VIPAS39: variants seen among roughly 807,000 people sequenced by gnomAD.
VIPAS39 encodes spermatogenesis-defective protein 39 homolog.
In VIPAS39, 63 loss-of-function variants were observed where a neutral mutation model predicts 84.7. That is an observed-to-expected ratio of 0.74 (90% CI 0.61 to 0.92). The LOEUF (loss-of-function observed/expected upper bound fraction) is 0.92. VIPAS39 is among the 40% of genes least tolerant of loss of function. VIPAS39 has a pLI of 0.00. For synonymous variants in VIPAS39, 192 were observed against 216.5 expected (o/e 0.89, Z 0.99); for missense variants, 499 against 604.5 (o/e 0.83, Z 1.83).
Position 77,434,304 on chromosome 14 carries a change from C to A in VIPAS39, c.1048-1G>T. ...GGTTGACGGGACTGCTGAATGTCCC[C>A]TAGGATGAAAGTGAAAAAGGAACTT... On this transcript the variant is annotated splice_acceptor_variant, in intron 14 of 19. Transcript: ENST00000557658. LOFTEE classifies it high-confidence loss of function. The A allele has an allele frequency of 6.2e-7, 1 of 1,614,040 alleles. No individual in the cohort carries two copies. The highest frequency in any genetic ancestry group is 8.5e-7 in the Non-Finnish European group (1 of 1,179,958).
At chr14:77,434,367 C>T (rs1243407909) in intron 14 of VIPAS39, 64 bp from the exon 15 acceptor site, 10 of 1,472,800 alleles carry the variant, frequency 6.8e-6, no homozygotes, top group Non-Finnish European at 9.5e-6. Context: ...CCCAAGCTCT[C>T]ATTTTCTTTC....
Position 77,429,082 on chromosome 14 carries a change from T to A in VIPAS39, c.1280A>T (p.Tyr427Phe). 1 of 1,613,886 alleles carries A rather than the reference T, an allele frequency of 6.2e-7. No homozygotes were observed. The highest frequency in any genetic ancestry group is 8.5e-7 in the Non-Finnish European group (1 of 1,179,806). ...NNAPVQILQE[Y>F]VNLVEDVDTK... ...GTCCACATCTTCCACCAGATTGACATACTCCTGTAATATCTGTGGGAAGAG... is the reference window on the plus strand; with the variant it reads ...GTCCACATCTTCCACCAGATTGACAAACTCCTGTAATATCTGTGGGAAGAG... The change falls in exon 18 of 20, where the codon TAT becomes TTT. Residue 427 changes from tyrosine (Y) to phenylalanine (F), a missense_variant. Coordinates refer to ENST00000557658, the MANE Select transcript of VIPAS39 (RefSeq NM_001193315.2).
chr14:77,441,826 C>T (rs2078708006), intron 10 of VIPAS39, among the ~76,000 whole-genome samples: 1 of 152,220 alleles, frequency 6.6e-6, no homozygotes, highest in African/African-American at 2.4e-5. Flanking sequence ...CTAACCCTTT[C>T]TCTGACACTG....
chr14:77,429,450 G>A (rs2078484600), intron 17 of VIPAS39, among the ~76,000 whole-genome samples: 1 of 151,256 alleles, frequency 6.6e-6, no homozygotes, highest in Non-Finnish European at 1.5e-5. Context: ...ATTCCACTTG[G>A]GCTAACACAG....
In VIPAS39 at chr14:77,434,252, T is replaced by A; in HGVS notation, c.1089+10A>T. On this transcript the variant is annotated intron_variant, in intron 15 of 19. Transcript: ENST00000557658. ...CACTAGTTTCATAACACTGACCAATTTGTATCTACCTTAAATGTCTTCTTC... is the reference window on the plus strand; with the variant it reads ...CACTAGTTTCATAACACTGACCAATATGTATCTACCTTAAATGTCTTCTTC... 1.2e-6 allele frequency: 2 copies of A among 1,613,906 alleles called. No homozygotes were observed. The highest frequency in any genetic ancestry group is 1.7e-6 in the Non-Finnish European group (2 of 1,179,806).
chr14:77,449,197 T>C, intron 6 of VIPAS39, 96 bp downstream of exon 6: 1 of 1,361,670 alleles, frequency 7.3e-7, no homozygotes, highest in Non-Finnish European at 1.1e-6. Context: ...GTTAAAAAAA[T>C]ATCTACTCAA....
At chr14:77,437,298 C>A (rs112581788) in intron 12 of VIPAS39, among the ~76,000 whole-genome samples, 1 of 152,150 alleles carries the variant, frequency 6.6e-6, no homozygotes, top group African/African-American at 2.4e-5. Flanking sequence ...TCAAGAGCAA[C>A]GGGCATCCTG....
intron 7 of VIPAS39, among the ~76,000 whole-genome samples, chr14:77,445,244 C>G (rs1056722624): frequency 6.6e-6 from 1 of 152,254 alleles, no homozygotes; most frequent in Non-Finnish European, 1.5e-5. Flanking sequence ...CAGGCGTGAG[C>G]CACCATGCCC....
At position 77,452,671 on chromosome 14, in the gene VIPAS39, T is replaced by C. The variant is rs959653164; in HGVS notation, c.196+628A>G. Among the ~76,000 whole-genome samples, 4 of 148,524 alleles carry C rather than the reference T, an allele frequency of 2.7e-5. No individual in the cohort carries two copies. The Admixed American group carries it at 2.8e-4, about 10-fold the overall frequency. ...GGTTGGCACCTTTAATCCCAGCTAC[T>C]AGGGAGGCTGAAGCATGAGAATCGC... On this transcript the variant is annotated intron_variant, in intron 3 of 19. Coordinates refer to ENST00000557658, the MANE Select transcript of VIPAS39 (RefSeq NM_001193315.2).
chr14:77,457,440 C>T (rs11845345), intron 1 of VIPAS39, 55 bp downstream of exon 1: 281,464 of 1,524,424 alleles, frequency 0.18, 27,788 homozygotes, highest in Admixed American at 0.27. Flanking sequence ...GATCAAGATG[C>T]GGAGAGGCTG....
chr14:77,457,091 C>G (rs2078971538), intron 1 of VIPAS39: 1 of 1,401,272 alleles, frequency 7.1e-7, no homozygotes, highest in Non-Finnish European at 9.3e-7. Context: ...CAAAAACCAC[C>G]TACTGAGAAG....
intron 10 of VIPAS39, 115 bp from the exon 11 acceptor site, chr14:77,441,208 A>G (rs1010180843): frequency 3.6e-6 from 4 of 1,112,960 alleles, no homozygotes; most frequent in Non-Finnish European, 5.4e-6. Context: ...ATTTCCCTCT[A>G]TACACAAGAT....
intron 5 of VIPAS39, 152 bp downstream of exon 5, chr14:77,449,562 T>C: frequency 7.9e-7 from 1 of 1,258,872 alleles, no homozygotes; most frequent in South Asian, 1.2e-5. Context: ...TTCTACCTCC[T>C]TAGTCAGTAT....
At chr14:77,450,106 T>C (rs1287928360) in intron 4 of VIPAS39, among the ~76,000 whole-genome samples, 1 of 152,224 alleles carries the variant, frequency 6.6e-6, no homozygotes, top group Non-Finnish European at 1.5e-5. Context: ...TAACCAACTC[T>C]ACACCCTTTA....
At chr14:77,434,407 T>G in intron 14 of VIPAS39, 104 bp from the exon 15 acceptor site, 1 of 1,031,022 alleles carries the variant, frequency 9.7e-7, no homozygotes, top group Non-Finnish European at 1.5e-6. Context: ...CATCTTACTC[T>G]GCTGCCATTT....
At chr14:77,436,751 G>T (rs1014077031) in intron 12 of VIPAS39, among the ~76,000 whole-genome samples, 1 of 152,078 alleles carries the variant, frequency 6.6e-6, no homozygotes, top group South Asian at 2.1e-4. Context: ...CCACATTATT[G>T]TTATACATGA....
rs2078980916 is a variant in VIPAS39, at chr14:77,457,509, G to A, written c.-15C>T. 2 of 1,017,160 alleles carry A rather than the reference G, an allele frequency of 2.0e-6. No individual in the cohort carries two copies. Among genetic ancestry groups the A allele is most frequent in the Non-Finnish European group, 2.9e-6 (2 of 692,918 alleles). 63.0% of individuals were successfully genotyped at this position (1,017,160 alleles called of 1,614,324 possible). ...GACACCCTCACCTCTTCCGCACAGA[G>A]CCCTCCCTCTCAGGACAGCGCCAGC... On this transcript the variant is annotated 5_prime_UTR_variant, in exon 1 of 20. Coordinates refer to ENST00000557658, the MANE Select transcript of VIPAS39 (RefSeq NM_001193315.2).
intron 1 of VIPAS39, among the ~76,000 whole-genome samples, chr14:77,454,440 C>T (rs945780504): frequency 2.6e-5 from 4 of 151,978 alleles, no homozygotes; most frequent in Non-Finnish European, 5.9e-5. Context: ...TTTGGGAGGC[C>T]GAGGCAGGCA....
chr14:77,450,829 A>G (rs1172258366), intron 4 of VIPAS39, among the ~76,000 whole-genome samples: 1 of 152,174 alleles, frequency 6.6e-6, no homozygotes, highest in Non-Finnish European at 1.5e-5. Context: ...TTTACTGTTT[A>G]ATTTTTTTTA....
Sources: allele counts gnomAD v4.1 joint callset (sites outside exome capture counted in the v4.1 genomes callset), GRCh38; gene constraint gnomAD v4.1.1; transcripts MANE v1.5; gene names NCBI Gene and HGNC (gene_info 2026-07-23, HGNC 2026-07-21).